Variants in DDX54 observed in about 807,000 individuals in gnomAD.
DDX54 encodes the protein ATP-dependent RNA helicase DDX54.
In DDX54, 67 loss-of-function variants were observed where a neutral mutation model predicts 105.5. The ratio of observed to expected loss-of-function variants is 0.64; its 90% CI spans 0.52 to 0.78. The LOEUF (loss-of-function observed/expected upper bound fraction) is 0.78, where lower values mean the gene tolerates loss of function less well. Ranked by LOEUF, DDX54 falls within the 30% of genes least tolerant of loss-of-function variation. The pLI, the probability that DDX54 is intolerant of heterozygous loss-of-function variation, is 0.00. For synonymous variants in DDX54, 514 were observed against 509.9 expected, an observed-to-expected ratio of 1.01 and a Z score of -0.11; for missense variants, 1,206 against 1,230.5, an observed-to-expected ratio of 0.98 and a Z score of 0.30.
intron 10 of DDX54, 93 bp downstream of exon 10, chr12:113,174,547 C>T (rs903185597): frequency 1.6e-5 from 24 of 1,515,376 alleles, no homozygotes; most frequent in South Asian, 2.5e-5. Context: ...GCTCCTGGTC[C>T]GCTCTCGTGC....
At chr12:113,176,989 T>C (rs1952411918) in intron 6 of DDX54, 54 bp from the exon 7 acceptor site, 1 of 1,613,498 alleles carries the variant, frequency 6.2e-7, no homozygotes. Flanking sequence ...ACCACCACAG[T>C]TCTCTTACAC....
rs749500859 is a variant in DDX54, at chr12:113,163,092, G to A, written c.2081+40C>T. On this transcript the variant is annotated intron_variant, in intron 16 of 19. Transcript: ENST00000306014. This position sits in a 1 kb window ranked among gnomAD's most constrained non-coding sequence, Gnocchi z 5.9. The stretch of plus-strand genomic sequence containing the variant: ...CATAATTGGATTGATGGGACCCAGC[G>A]GACCCAACTGCCCCACCCAGGACCC... The A allele has an allele frequency of 1.4e-5, 22 of 1,610,446 alleles. No individual in the cohort carries two copies. The highest frequency in any genetic ancestry group is 4.0e-5 in the African/African-American group (3 of 74,846).
intron 7 of DDX54, among the ~76,000 whole-genome samples, chr12:113,175,607 T>C (rs1952393134): frequency 1.3e-5 from 2 of 152,044 alleles, no homozygotes; most frequent in Non-Finnish European, 2.9e-5. Flanking sequence ...GCTAACACAG[T>C]GAAACCCCGT....
In DDX54 at chr12:113,174,623, C is replaced by A; in HGVS notation, c.1068+17G>T. 2 of 1,609,232 alleles carry A rather than the reference C, an allele frequency of 1.2e-6. No homozygotes were observed. Among genetic ancestry groups the A allele is most frequent in the Non-Finnish European group, 1.7e-6 (2 of 1,176,162 alleles). ...CCAGCTGAAGGAGGTGCTCCTCCCA[C>A]TCAGGACCCTGCTCACCTCAGTGAG... On this transcript the variant is annotated intron_variant, in intron 10 of 19. Transcript: ENST00000306014.
In DDX54 at chr12:113,157,510, G is replaced by A. The variant is rs1004676877; in HGVS notation, c.*1367C>T. 2.8e-5 allele frequency: 28 copies of A among 997,700 alleles called. No homozygotes were observed. The highest frequency in any genetic ancestry group is 2.2e-4 in the Middle Eastern group (1 of 4,644). 61.8% of individuals were successfully genotyped at this position (997,700 alleles called of 1,614,324 possible). On this transcript the variant is annotated 3_prime_UTR_variant, in exon 20 of 20. Transcript: ENST00000306014. ...TTTAATGAGGGGATCTCCAGTCCCCGCCCTACCTTTCGGCCTCCCCCGCGT... is the reference window on the plus strand; with the variant it reads ...TTTAATGAGGGGATCTCCAGTCCCCACCCTACCTTTCGGCCTCCCCCGCGT...
chr12:113,163,165 G>A lies in DDX54; in HGVS notation c.2048C>T (p.Pro683Leu). ...ARQRDQEFYI[P>L]YRPKDFDSER... ...GCTGTCAAAGTCCTTGGGCCGGTAG[G>A]GGATGTAGAATTCCTGGTCCCGCTG... is the stretch of plus-strand genomic sequence containing the variant. Residue 683 changes from proline (P) to leucine (L), a missense_variant, in exon 16 of 20, where the codon CCC becomes CTC. Physicochemically the swap from Pro to Leu is moderately conservative, Grantham distance 98. Transcript: ENST00000306014. This position sits in a 1 kb window ranked among gnomAD's most constrained non-coding sequence, Gnocchi z 5.9. 1.2e-6 allele frequency: 2 copies of A among 1,613,128 alleles called. No individual in the cohort carries two copies. Among genetic ancestry groups the A allele is most frequent in the Non-Finnish European group, 8.5e-7 (1 of 1,180,014 alleles).
intron 14 of DDX54, 56 bp downstream of exon 14, chr12:113,165,588 C>G (rs1592999989): frequency 1.3e-6 from 2 of 1,524,528 alleles, no homozygotes; most frequent in Non-Finnish European, 1.8e-6. Context: ...GGCCATCTGT[C>G]TCTGGGCTCC....
chr12:113,170,097 C>T (rs966415296), intron 11 of DDX54, among the ~76,000 whole-genome samples, 193 bp from the exon 12 acceptor site: 1 of 152,222 alleles, frequency 6.6e-6, no homozygotes, highest in African/African-American at 2.4e-5. Flanking sequence ...CAAGCTGACA[C>T]AGTGCTCTGG....
chr12:113,157,733 G>A lies in DDX54; in HGVS notation c.*1144C>T. 5.7e-6 allele frequency: 8 copies of A among 1,405,190 alleles called. No individual in the cohort carries two copies. Among genetic ancestry groups the A allele is most frequent in the Non-Finnish European group, 7.9e-6 (8 of 1,016,598 alleles). The allele number at this position is 1,405,190 out of a possible 1,614,324, so 87.0% of individuals were successfully genotyped here. On this transcript the variant is annotated 3_prime_UTR_variant, in exon 20 of 20. Coordinates refer to ENST00000306014, the MANE Select transcript of DDX54 (RefSeq NM_024072.4). ...GAACCCCTGAGAGACCCTGAGATAG[G>A]AGGGCCCACATTTCCAATGGGGTGT...
chr12:113,172,559 A>T lies in DDX54; in HGVS notation c.1073T>A (p.Leu358Gln), dbSNP rs1325372394. The T allele has an allele frequency of 1.2e-6, 2 of 1,614,102 alleles. No individual in the cohort carries two copies. The highest frequency in any genetic ancestry group is 4.5e-5 in the East Asian group (2 of 44,890). The change falls in exon 11 of 20, where the codon CTG (leucine) becomes CAG (glutamine). Residue 358 changes from leucine to glutamine, a missense_variant. Physicochemically the swap from Leu to Gln is moderately radical, Grantham distance 113. Around this residue, in one of 3 missense-constraint regions of DDX54, gnomAD observed 961 missense variants for 1,019.1 expected, o/e 0.94. Transcript: ENST00000306014. ...KHHAEYLTELLTTQRVSCAHI... is the reference protein window; with the variant it reads ...KHHAEYLTELQTTQRVSCAHI... ...GGCGCAGCTCACCCGCTGGGTCGTCAGCAGCTGCTCAGAGCAAAGATGGTA... is the reference window on the plus strand; with the variant it reads ...GGCGCAGCTCACCCGCTGGGTCGTCTGCAGCTGCTCAGAGCAAAGATGGTA...
rs775883406 is a variant in DDX54, at chr12:113,175,024, C to T, written c.874+12G>A. ...GACCCCCAGCCCCCATCTCCACCCCCAGCTCACGCACCAGCCCGGGCAAAT... is the reference window on the plus strand; with the variant it reads ...GACCCCCAGCCCCCATCTCCACCCCTAGCTCACGCACCAGCCCGGGCAAAT... On this transcript the variant is annotated intron_variant, in intron 8 of 19. Transcript: ENST00000306014. 6.2e-7 allele frequency: 1 copy of T among 1,613,672 alleles called. No homozygotes were observed. Among genetic ancestry groups the T allele is most frequent in the Admixed American group, 1.7e-5 (1 of 60,018 alleles).
intron 1 of DDX54, among the ~76,000 whole-genome samples, chr12:113,181,814 T>C (rs1028608486): frequency 6.6e-6 from 1 of 151,960 alleles, no homozygotes; most frequent in South Asian, 2.1e-4. Flanking sequence ...AGACACCTCC[T>C]CTGGGGAACC....
At chr12:113,180,860 G>A in intron 2 of DDX54, 69 bp downstream of exon 2, 1 of 1,602,094 alleles carries the variant, frequency 6.2e-7, no homozygotes, top group Non-Finnish European at 8.5e-7. Flanking sequence ...CATCAGTGAT[G>A]GAGTGCAGAG....
intron 12 of DDX54, among the ~76,000 whole-genome samples, chr12:113,169,412 T>C (rs1486360889): frequency 6.6e-6 from 1 of 151,660 alleles, no homozygotes; most frequent in Non-Finnish European, 1.5e-5. Flanking sequence ...AGGTCAGGAG[T>C]TCGAGATCAG....
Position 113,157,499 on chromosome 12 carries a change from C to A in DDX54, c.*1378G>T. 1.2e-6 allele frequency: 1 copy of A among 855,944 alleles called. No homozygotes were observed. Among genetic ancestry groups the A allele is most frequent in the Non-Finnish European group, 1.9e-6 (1 of 531,726 alleles). 53.0% of individuals were successfully genotyped at this position (855,944 alleles called of 1,614,324 possible). On this transcript the variant is annotated 3_prime_UTR_variant, in exon 20 of 20. Coordinates refer to ENST00000306014, the MANE Select transcript of DDX54 (RefSeq NM_024072.4). Reference sequence around the variant, plus strand: ...ATCACTGTTCTTTTAATGAGGGGATCTCCAGTCCCCGCCCTACCTTTCGGC... The same window carrying A: ...ATCACTGTTCTTTTAATGAGGGGATATCCAGTCCCCGCCCTACCTTTCGGC...
At position 113,161,518 on chromosome 12, in the gene DDX54, T is replaced by A. The variant is rs1224784148; in HGVS notation, c.2301-136A>T. ...CTCGGCCCCGCCCCCAGCACACAGG[T>A]CCCACTTATTGGAGATGCTGTTGCT... On this transcript the variant is annotated intron_variant, in intron 18 of 19. Transcript: ENST00000306014. 4 of 625,344 alleles carry A rather than the reference T, an allele frequency of 6.4e-6. No homozygotes were observed. In the East Asian group the frequency reaches 1.2e-4, roughly 18 times the overall value. The allele number at this position is 625,344 out of a possible 1,614,324, so 38.7% of individuals were successfully genotyped here. A position where few individuals can be genotyped will look rare whatever the true frequency, so the allele number is the denominator to read the frequency against.
In DDX54 at chr12:113,157,594, C is replaced by T. The variant is rs539276285; in HGVS notation, c.*1283G>A. 5 of 1,551,496 alleles carry T rather than the reference C, an allele frequency of 3.2e-6. No individual in the cohort carries two copies. The highest frequency in any genetic ancestry group is 1.2e-5 in the South Asian group (1 of 84,054). ...GCTGGGATGTGACTTCGTGCTGGGC[C>T]CCCCCAGGTGAAGCTGTTCATGCAG... On this transcript the variant is annotated 3_prime_UTR_variant, in exon 20 of 20. Coordinates refer to ENST00000306014, the MANE Select transcript of DDX54 (RefSeq NM_024072.4).
intron 10 of DDX54, among the ~76,000 whole-genome samples, chr12:113,173,877 A>T (rs1952366699): frequency 6.6e-6 from 1 of 152,160 alleles, no homozygotes; most frequent in Non-Finnish European, 1.5e-5. Flanking sequence ...ATTGGTTTGA[A>T]ATTTTCTCAC....
At chr12:113,172,026 T>C (rs1206105206) in intron 11 of DDX54, among the ~76,000 whole-genome samples, 1 of 152,098 alleles carries the variant, frequency 6.6e-6, no homozygotes, top group African/African-American at 2.4e-5. Context: ...GAGTATCTCA[T>C]GTAACTTATT....
Sources: allele counts gnomAD v4.1 joint callset (sites outside exome capture counted in the v4.1 genomes callset), GRCh38; gene constraint gnomAD v4.1.1; regional missense constraint gnomAD v4.1.1; non-coding constraint Gnocchi (gnomAD v3.1); transcripts MANE v1.5; gene names NCBI Gene and HGNC (gene_info 2026-07-23, HGNC 2026-07-21).